TAB2: variants seen among roughly 807,000 people sequenced by gnomAD.
The protein encoded by TAB2 is TGF-beta-activated kinase 1 and MAP3K7-binding protein 2.
In TAB2, 3 loss-of-function variants were observed where a neutral mutation model predicts 65.0. That is an observed-to-expected ratio of 0.05 (90% CI 0.02 to 0.12). TAB2 has a LOEUF of 0.12. TAB2 is among the 10% of genes least tolerant of loss of function. The probability of loss-of-function intolerance (pLI) is 1.00; values close to 1 mark genes in which losing one functional copy is unlikely to be tolerated. For synonymous variants in TAB2, 298 were observed against 285.1 expected (o/e 1.05, Z -0.46); for missense variants, 623 against 840.3 (o/e 0.74, Z 3.20).
chr6:149,278,689 C>T (rs1330007541), intron 1 of TAB2, among the ~76,000 whole-genome samples: 1 of 151,962 alleles, frequency 6.6e-6, no homozygotes, highest in Non-Finnish European at 1.5e-5. Flanking sequence ...TTCCCTCCAG[C>T]TTATAAAACT....
intron 1 of TAB2, among the ~76,000 whole-genome samples, chr6:149,298,867 C>A (rs1404133112): frequency 6.6e-6 from 1 of 152,140 alleles, no homozygotes; most frequent in African/African-American, 2.4e-5. Flanking sequence ...CTTGACAGAA[C>A]CTGTTTGAAA....
At chr6:149,264,156 C>T (rs1225723230) in intron 1 of TAB2, among the ~76,000 whole-genome samples, 1 of 152,158 alleles carries the variant, frequency 6.6e-6, no homozygotes, top group Non-Finnish European at 1.5e-5. Flanking sequence ...GGAGGAGTCA[C>T]GTTTTAGCCT....
chr6:149,254,843 C>T (rs1006901838), intron 1 of TAB2, among the ~76,000 whole-genome samples: 1 of 152,092 alleles, frequency 6.6e-6, no homozygotes, highest in African/African-American at 2.4e-5. Flanking sequence ...TAGAAAAATG[C>T]CTGATGATAT....
At chr6:149,261,283 T>C (rs1250936117) in intron 1 of TAB2, among the ~76,000 whole-genome samples, 2 of 152,216 alleles carry the variant, frequency 1.3e-5, no homozygotes, top group Non-Finnish European at 2.9e-5. Context: ...AAGAGGCATG[T>C]AAAAGCAGTT....
In TAB2 at chr6:149,239,727, T is replaced by C. The variant is rs143595908; in HGVS notation, c.-121+20951T>C. On this transcript the variant is annotated intron_variant, in intron 1 of 1. Transcript: ENST00000606202. ...TGGTTACTTCCCCAAGGCTCAGAAC[T>C]GTGAAGTGTGAGTTCTCACTCAACA... Among the ~76,000 whole-genome samples the C allele has an allele frequency of 1.3e-3, 196 of 152,352 alleles. 2 individuals carry two copies. The highest frequency in any genetic ancestry group is 4.4e-3 in the African/African-American group (184 of 41,582).
chr6:149,374,005 A>T (rs1381127428), intron 2 of TAB2, among the ~76,000 whole-genome samples: 2 of 152,194 alleles, frequency 1.3e-5, no homozygotes, highest in Non-Finnish European at 2.9e-5. Flanking sequence ...ACCAAAACTG[A>T]TTGAAACACA....
chr6:149,334,676 TA>T (rs944087167), intron 1 of TAB2, among the ~76,000 whole-genome samples: 564 of 137,870 alleles, frequency 4.1e-3, no homozygotes, highest in Non-Finnish European at 3.8e-3. Flanking sequence ...CCTTGTCTCT[TA>T]AAAAAAAAAA....
In TAB2 at chr6:149,219,306, T is replaced by C. The variant is rs1022119050; in HGVS notation, c.-121+530T>C. 6.8e-5 allele frequency among the ~76,000 whole-genome samples: 10 copies of C among 146,222 alleles called. No homozygotes were observed. The South Asian group carries it at 1.1e-3, about 16-fold the overall frequency. ...TACCAAGTGTTTCATATTTTAACAT[T>C]TGTGTGTGTGTGTGTGTGTGTGTGT... On this transcript the variant is annotated intron_variant, in intron 1 of 1. Transcript: ENST00000606202.
At chr6:149,225,077 G>A (rs1777240078) in intron 1 of TAB2, among the ~76,000 whole-genome samples, 1 of 152,014 alleles carries the variant, frequency 6.6e-6, no homozygotes, top group Admixed American at 6.6e-5. Context: ...AACATATTTG[G>A]GACTGCAATT....
chr6:149,274,962 G>GC (rs1376833499), intron 1 of TAB2, among the ~76,000 whole-genome samples: 2 of 152,134 alleles, frequency 1.3e-5, no homozygotes, highest in Admixed American at 6.5e-5. Flanking sequence ...GTAGCCCTGA[G>GC]CATAGGGCTC....
intron 1 of TAB2, among the ~76,000 whole-genome samples, chr6:149,275,301 A>G (rs776549608): frequency 8.9e-6 from 1 of 112,012 alleles, no homozygotes; most frequent in Admixed American, 8.2e-5. Flanking sequence ...AGAAAGAAAG[A>G]GAAAAAAGAA....
intron 1 of TAB2, among the ~76,000 whole-genome samples, chr6:149,287,449 A>G (rs938689933): frequency 6.6e-6 from 1 of 151,396 alleles, no homozygotes; most frequent in Non-Finnish European, 1.5e-5. Flanking sequence ...ACATAAAGTT[A>G]CAAGGGAATA....
At chr6:149,316,065 T>A (rs1779244189), upstream of TAB2, among the ~76,000 whole-genome samples, 1 of 152,240 alleles carries the variant, frequency 6.6e-6, no homozygotes, top group African/African-American at 2.4e-5. Context: ...AATTATTTAA[T>A]CAATTATTTT....
intron 1 of TAB2, among the ~76,000 whole-genome samples, chr6:149,350,238 A>C (rs1369931289): frequency 1.3e-5 from 2 of 152,082 alleles, no homozygotes; most frequent in East Asian, 3.9e-4. Context: ...GGCTGGAATT[A>C]ATATTTCTCA....
chr6:149,305,436 A>G (rs1779047641), intron 1 of TAB2, among the ~76,000 whole-genome samples: 1 of 152,186 alleles, frequency 6.6e-6, no homozygotes, highest in South Asian at 2.1e-4. Context: ...GCCCTGTCCA[A>G]ATCTCACAAG....
chr6:149,333,708 A>AGTGTGTGTGTGTGT (rs61004397), intron 1 of TAB2, among the ~76,000 whole-genome samples: 13 of 144,788 alleles, frequency 9.0e-5, no homozygotes, highest in East Asian at 2.1e-4. Flanking sequence ...CCAGATCCAT[A>AGTGTGTGTGTGTGT]GTGTGTGTGT....
intron 1 of TAB2, among the ~76,000 whole-genome samples, chr6:149,270,301 A>G (rs772640468): frequency 5.1e-4 from 78 of 152,240 alleles, no homozygotes; most frequent in African/African-American, 1.1e-3. Flanking sequence ...TGGTTTTCCT[A>G]TTATTGAGTT....
intron 1 of TAB2, among the ~76,000 whole-genome samples, chr6:149,256,069 T>C (rs1390764157): frequency 1.3e-5 from 2 of 152,116 alleles, no homozygotes; most frequent in African/African-American, 2.4e-5. Context: ...GATCAACCAG[T>C]ATGTGAAAAC....
chr6:149,263,934 A>C (rs1778207159), intron 1 of TAB2, among the ~76,000 whole-genome samples: 1 of 152,086 alleles, frequency 6.6e-6, no homozygotes, highest in Non-Finnish European at 1.5e-5. Context: ...TGGCAGGGTC[A>C]TTTTCTTCTT....
Sources: allele counts gnomAD v4.1 joint callset (sites outside exome capture counted in the v4.1 genomes callset), GRCh38; gene constraint gnomAD v4.1.1; transcripts MANE v1.5; gene names NCBI Gene and HGNC (gene_info 2026-07-23, HGNC 2026-07-21).